TMEM92: variants seen among roughly 807,000 people sequenced by gnomAD.
TMEM92 encodes the protein transmembrane protein 92.
In TMEM92, 15 loss-of-function variants were observed where a neutral mutation model predicts 14.6. The observed-to-expected ratio is 1.03, with a 90% CI of 0.69 to 1.58. The LOEUF (loss-of-function observed/expected upper bound fraction) is 1.58. Ranked by LOEUF, TMEM92 falls within the 40% of genes most tolerant of loss-of-function variation. The pLI is 0.00. For missense variants in TMEM92, 174 were observed against 202.4 expected (o/e 0.86, Z 0.85); for synonymous variants, 85 against 83.3 (o/e 1.02, Z -0.11).
At chr17:50,278,043 C>T (rs1344492064) in intron 2 of TMEM92, among the ~76,000 whole-genome samples, 2 of 152,170 alleles carry the variant, frequency 1.3e-5, no homozygotes, top group Non-Finnish European at 2.9e-5. Context: ...GGGGCTAACC[C>T]TAAGAGAGAA....
In TMEM92 at chr17:50,275,142, C is replaced by T. The variant is rs373493870; in HGVS notation, c.69+572C>T. The T allele has an allele frequency of 2.5e-4, 38 of 153,602 alleles. No individual in the cohort carries two copies. In the South Asian group the frequency reaches 6.3e-3, roughly 25 times the overall value. 9.5% of individuals were successfully genotyped at this position (153,602 alleles called of 1,614,324 possible). On this transcript the variant is annotated intron_variant, in intron 1 of 4. Transcript: ENST00000507382. ...GATTTTGAGAGGGAGGTGTAGGGTT[C>T]GAGTGTTCCCTCCGCCCTTCTGTTC...
chr17:50,277,012 T>A (rs1224512426), intron 1 of TMEM92, among the ~76,000 whole-genome samples: 1 of 151,922 alleles, frequency 6.6e-6, no homozygotes, highest in Non-Finnish European at 1.5e-5. Flanking sequence ...ACAATTGCTA[T>A]CAATGGAGGG....
At chr17:50,276,504 T>C (rs1910437065) in intron 1 of TMEM92, among the ~76,000 whole-genome samples, 1 of 152,226 alleles carries the variant, frequency 6.6e-6, no homozygotes, top group Non-Finnish European at 1.5e-5. Flanking sequence ...TGATTTGCAA[T>C]TGAAATATTT....
At chr17:50,272,232 AC>A (rs1309726427), upstream of TMEM92, among the ~76,000 whole-genome samples, 1 of 140,838 alleles carries the variant, frequency 7.1e-6, no homozygotes, top group East Asian at 2.0e-4. Flanking sequence ...TAGTTCCCTC[AC>A]CCCCACTCCT....
intron 2 of TMEM92, 135 bp from the exon 3 acceptor site, chr17:50,278,421 C>T (rs1160516351): frequency 1.2e-5 from 11 of 940,642 alleles, no homozygotes; most frequent in Non-Finnish European, 1.8e-5. Flanking sequence ...GAGCGGGGGC[C>T]ATACCCCCCA....
chr17:50,278,442 G>A (rs1028997407), intron 2 of TMEM92, 114 bp from the exon 3 acceptor site: 8 of 1,200,418 alleles, frequency 6.7e-6, no homozygotes, highest in African/African-American at 4.5e-5. Flanking sequence ...CCCCACTAAG[G>A]GGTGGCTTGT....
At chr17:50,276,882 T>C (rs1161531873) in intron 1 of TMEM92, among the ~76,000 whole-genome samples, 1 of 152,196 alleles carries the variant, frequency 6.6e-6, no homozygotes, top group Non-Finnish European at 1.5e-5. Flanking sequence ...TGGAGAAAAG[T>C]TAAGCACACT....
At chr17:50,277,765 A>G in intron 2 of TMEM92, 25 bp downstream of exon 2, 1 of 1,613,870 alleles carries the variant, frequency 6.2e-7, no homozygotes, top group Non-Finnish European at 8.5e-7. Flanking sequence ...CATAACTTCC[A>G]ATCTGGGGAG....
intron 2 of TMEM92, 149 bp downstream of exon 2, chr17:50,277,889 C>G: frequency 9.9e-7 from 1 of 1,011,538 alleles, no homozygotes; most frequent in Non-Finnish European, 1.5e-6. Flanking sequence ...ACTTTCCCAG[C>G]CAAAGAGGGA....
upstream of TMEM92, among the ~76,000 whole-genome samples, chr17:50,272,291 C>T (rs1379318309): frequency 6.6e-6 from 1 of 152,078 alleles, no homozygotes; most frequent in East Asian, 1.9e-4. Context: ...CCCTTCTCAG[C>T]ACCCTCATTT....
chr17:50,278,522 C>A, intron 2 of TMEM92, 34 bp from the exon 3 acceptor site: 2 of 1,611,918 alleles, frequency 1.2e-6, no homozygotes, highest in Non-Finnish European at 1.7e-6. Flanking sequence ...GTGCCAGCAA[C>A]TTCTCCTTGC....
upstream of TMEM92, chr17:50,274,378 A>G: frequency 2.2e-6 from 2 of 924,504 alleles, no homozygotes; most frequent in Non-Finnish European, 3.4e-6. Context: ...CCCTGCCCCG[A>G]GTCCGCCTCT....
intron 2 of TMEM92, 141 bp from the exon 3 acceptor site, chr17:50,278,415 G>A (rs1433651888): frequency 9.4e-6 from 8 of 852,952 alleles, no homozygotes; most frequent in Admixed American, 7.1e-5. Context: ...AGCTCAGAGC[G>A]GGGGCCATAC....
At chr17:50,272,979 A>AG (rs1910299042), upstream of TMEM92, among the ~76,000 whole-genome samples, 1 of 152,080 alleles carries the variant, frequency 6.6e-6, no homozygotes, top group Non-Finnish European at 1.5e-5. Flanking sequence ...AGAGACACAG[A>AG]GGGGTTAAAT....
intron 1 of TMEM92, among the ~76,000 whole-genome samples, chr17:50,275,610 A>G (rs1910405564): frequency 6.6e-6 from 1 of 152,096 alleles, no homozygotes. Flanking sequence ...CCCAGACAAG[A>G]CTACCCCCTG....
At chr17:50,272,119 G>C (rs886460670), upstream of TMEM92, among the ~76,000 whole-genome samples, 7 of 151,912 alleles carry the variant, frequency 4.6e-5, no homozygotes, top group Non-Finnish European at 7.4e-5. Context: ...TCTTTTGTCC[G>C]GCAACCCTAG....
In TMEM92 at chr17:50,279,689, T is replaced by G. The variant is rs537406867; in HGVS notation, c.*381T>G. 1 of 282,882 alleles carries G rather than the reference T, an allele frequency of 3.5e-6. No individual in the cohort carries two copies. Among genetic ancestry groups the G allele is most frequent in the East Asian group, 1.4e-4 (1 of 6,982 alleles). The allele number at this position is 282,882 out of a possible 1,614,324, so 17.5% of individuals were successfully genotyped here. Reference sequence around the variant, plus strand: ...TTTTATCAGGGCACTTCTATACCTGTGGGACATTGGACTGGATGAGCCCTG... The same window carrying G: ...TTTTATCAGGGCACTTCTATACCTGGGGGACATTGGACTGGATGAGCCCTG... On this transcript the variant is annotated 3_prime_UTR_variant, in exon 5 of 5. Coordinates refer to ENST00000507382, the MANE Select transcript of TMEM92 (RefSeq NM_153229.3).
chr17:50,274,649 C>T, intron 1 of TMEM92, 79 bp downstream of exon 1: 1 of 1,293,064 alleles, frequency 7.7e-7, no homozygotes, highest in Non-Finnish European at 1.1e-6. Context: ...AGCCTGGTCG[C>T]CACCTTCCAG....
chr17:50,279,411 G>A lies in TMEM92; in HGVS notation c.*103G>A. The A allele has an allele frequency of 1.1e-6, 1 of 892,512 alleles. No homozygotes were observed. Among genetic ancestry groups the A allele is most frequent in the South Asian group, 1.4e-5 (1 of 71,286 alleles). The allele number at this position is 892,512 out of a possible 1,614,324, so 55.3% of individuals were successfully genotyped here. Reference sequence around the variant, plus strand: ...CCCCAGGAATGTCCCTGCCCATCCTGCCGTGTCTCTGTTCATTCTTGGATT... The same window carrying A: ...CCCCAGGAATGTCCCTGCCCATCCTACCGTGTCTCTGTTCATTCTTGGATT... On this transcript the variant is annotated 3_prime_UTR_variant, in exon 5 of 5. Transcript: ENST00000507382.
Sources: gnomAD v4.1 joint callset for allele counts (sites outside exome capture counted in the v4.1 genomes callset) on GRCh38, gnomAD v4.1.1 for gene constraint, MANE v1.5 for transcripts, NCBI Gene and HGNC (gene_info 2026-07-23, HGNC 2026-07-21) for gene names.